The following ROBO2 variants were observed in gnomAD, a reference collection of about 807,000 sequenced individuals.
ROBO2 encodes roundabout homolog 2.
A neutral mutation model predicts 160.8 loss-of-function variants in ROBO2; 53 were observed. That is an observed-to-expected ratio of 0.33 (90% confidence interval 0.26 to 0.41). ROBO2 has a LOEUF of 0.41. Among genes scored for constraint, ROBO2 ranks in the 10% least tolerant of loss-of-function variants. The pLI, the probability that ROBO2 is intolerant of heterozygous loss-of-function variation, is 1.00. For missense variants in ROBO2, 1,577 were observed against 1,722.4 expected, an observed-to-expected ratio of 0.92 and a Z score of 1.49; for synonymous variants, 664 against 611.7, an observed-to-expected ratio of 1.09 and a Z score of -1.26.
chr3:76,748,860 G>A (rs1218812508), intron 2 of ROBO2, among the ~76,000 whole-genome samples: 1 of 151,744 alleles, frequency 6.6e-6, no homozygotes, highest in East Asian at 1.9e-4. Context: ...ACAATCACAT[G>A]TATACAAATA....
At chr3:76,276,746 A>G (rs1576226023) in intron 2 of ROBO2, among the ~76,000 whole-genome samples, 1 of 152,020 alleles carries the variant, frequency 6.6e-6, no homozygotes, top group East Asian at 1.9e-4. Flanking sequence ...CTTAATTAAC[A>G]TTGAACAACA....
At chr3:76,554,815 C>T (rs545666333) in intron 2 of ROBO2, among the ~76,000 whole-genome samples, 1 of 152,124 alleles carries the variant, frequency 6.6e-6, no homozygotes, top group East Asian at 1.9e-4. Context: ...TCAGAGGCTG[C>T]TCCGAATGGT....
chr3:76,042,027 TAAAAA>T (rs36067726), intron 2 of ROBO2, among the ~76,000 whole-genome samples: 3 of 142,950 alleles, frequency 2.1e-5, no homozygotes, highest in Non-Finnish European at 3.0e-5. Flanking sequence ...AGAGAGAGGT[TAAAAA>T]AAAAAAAAAA....
exon 26 of ROBO2, chr3:77,647,248 A>G (rs1044673782): frequency 6.6e-6 from 1 of 152,116 alleles, no homozygotes. Flanking sequence ...CTTGTTTTTT[A>G]TTTGATTAAG....
chr3:76,486,059 G>C (rs563231761), intron 2 of ROBO2, among the ~76,000 whole-genome samples: 1 of 152,098 alleles, frequency 6.6e-6, no homozygotes, highest in African/African-American at 2.4e-5. Context: ...CTCCATCTCC[G>C]GTCCAGTAAT....
At chr3:76,749,850 C>G (rs1036478010) in intron 2 of ROBO2, among the ~76,000 whole-genome samples, 1 of 152,040 alleles carries the variant, frequency 6.6e-6, no homozygotes, top group African/African-American at 2.4e-5. Flanking sequence ...GGATTCACAG[C>G]TGAATTCTAC....
At chr3:76,587,644 G>T (rs532512778) in intron 2 of ROBO2, among the ~76,000 whole-genome samples, 26 of 152,264 alleles carry the variant, frequency 1.7e-4, no homozygotes, top group African/African-American at 6.3e-4. Context: ...AACACGTGGG[G>T]ATTATAGGAA....
intron 2 of ROBO2, among the ~76,000 whole-genome samples, chr3:76,345,402 T>C (rs1478846824): frequency 1.3e-5 from 2 of 151,572 alleles, no homozygotes; most frequent in Non-Finnish European, 1.5e-5. Context: ...TGTGCAGGTG[T>C]GTTTCAAGAG....
chr3:77,362,098 T>C (rs1429703370), intron 2 of ROBO2, among the ~76,000 whole-genome samples: 1 of 152,024 alleles, frequency 6.6e-6, no homozygotes, highest in African/African-American at 2.4e-5. Flanking sequence ...GGGGAATGTG[T>C]TGGAAAGGGA....
chr3:76,144,797 A>G (rs1022456646), intron 2 of ROBO2, among the ~76,000 whole-genome samples: 1 of 151,992 alleles, frequency 6.6e-6, no homozygotes, highest in African/African-American at 2.4e-5. Context: ...TAGACACGAA[A>G]TATTGAATGT....
intron 2 of ROBO2, among the ~76,000 whole-genome samples, chr3:77,117,757 T>C (rs1012782880): frequency 3.3e-5 from 5 of 152,204 alleles, no homozygotes; most frequent in African/African-American, 1.2e-4. Flanking sequence ...TTTGTAAATC[T>C]TTCATGTGAT....
chr3:75,946,891 C>T (rs1468548428), intron 2 of ROBO2, among the ~76,000 whole-genome samples: 1 of 151,958 alleles, frequency 6.6e-6, no homozygotes, highest in African/African-American at 2.4e-5. Context: ...TTAGTTACCT[C>T]TTAGGAGGGT....
chr3:76,203,229 A>G (rs866370566), intron 2 of ROBO2, among the ~76,000 whole-genome samples: 102 of 152,304 alleles, frequency 6.7e-4, no homozygotes, highest in African/African-American at 2.2e-3. Context: ...GACTCCATCA[A>G]TGGCCTTCCA....
intron 2 of ROBO2, among the ~76,000 whole-genome samples, chr3:76,213,533 C>CT (rs758830879): frequency 2.6e-5 from 4 of 152,080 alleles, no homozygotes; most frequent in African/African-American, 7.2e-5. Context: ...GTAGTGTATT[C>CT]TTTTTTCTAA....
chr3:76,179,581 T>C (rs934801793), intron 2 of ROBO2, among the ~76,000 whole-genome samples: 8 of 152,172 alleles, frequency 5.3e-5, no homozygotes, highest in African/African-American at 1.9e-4. Context: ...CACCATCTTC[T>C]GTTCAGAACA....
At chr3:76,649,105 A>C (rs2091129982) in intron 2 of ROBO2, among the ~76,000 whole-genome samples, 1 of 152,138 alleles carries the variant, frequency 6.6e-6, no homozygotes, top group Admixed American at 6.5e-5. Flanking sequence ...TAGTATTCTC[A>C]GAGGTGGTTT....
chr3:76,029,431 A>C (rs1388597587), intron 2 of ROBO2, among the ~76,000 whole-genome samples: 1 of 152,076 alleles, frequency 6.6e-6, no homozygotes, highest in Non-Finnish European at 1.5e-5. Context: ...TTTGTTACAT[A>C]TGTATACATG....
intron 1 of ROBO2, among the ~76,000 whole-genome samples, chr3:75,916,326 A>C (rs1946805623): frequency 6.6e-6 from 1 of 152,140 alleles, no homozygotes; most frequent in African/African-American, 2.4e-5. Flanking sequence ...CAAAAAATTT[A>C]TTTCCTTGAA....
rs757697630 is a variant in ROBO2 at position 77,011,757 on chromosome 3, G to A, written c.110-86257G>A. 1.2e-4 allele frequency among the ~76,000 whole-genome samples: 18 copies of A among 151,948 alleles called. No homozygotes were observed. The South Asian group carries it at 2.1e-3, about 18-fold the overall frequency. On this transcript the variant is annotated intron_variant, in intron 2 of 26. Transcript: ENST00000487694. ...AACTTTGCATGAAGTTTTGTTAATT[G>A]CCCCTTTGTTATGCTCTACTCAAAA... is the stretch of plus-strand genomic sequence containing the variant.
Sources: allele counts gnomAD v4.1 joint callset (sites outside exome capture counted in the v4.1 genomes callset), GRCh38; gene constraint gnomAD v4.1.1; transcripts MANE v1.5; gene names NCBI Gene and HGNC (gene_info 2026-07-23, HGNC 2026-07-21).